The following CCDC186 variants were observed in gnomAD, a reference collection of about 807,000 sequenced individuals.
CCDC186 encodes the protein coiled-coil domain containing 186, also known as coiled-coil domain-containing protein 186.
Under a neutral mutation model 113.7 loss-of-function variants are expected in CCDC186, and 49 were observed. The ratio of observed to expected loss-of-function variants is 0.43; its 90% CI spans 0.34 to 0.55. CCDC186 has a LOEUF of 0.55. CCDC186 is among the 20% of genes least tolerant of loss of function. CCDC186 has a pLI of 0.02. For missense variants in CCDC186, 890 were observed against 1,011.1 expected (o/e 0.88, Z 1.62); for synonymous variants, 355 against 345.8 (o/e 1.03, Z -0.30).
intron 6 of CCDC186, among the ~76,000 whole-genome samples, chr10:114,141,979 T>C (rs1327677615): frequency 6.6e-6 from 1 of 152,220 alleles, no homozygotes; most frequent in African/African-American, 2.4e-5. Context: ...AATTTGGACC[T>C]TGTTATTCCA....
chr10:114,134,445 T>C (rs2031191324), intron 10 of CCDC186, among the ~76,000 whole-genome samples: 1 of 152,134 alleles, frequency 6.6e-6, no homozygotes, highest in Non-Finnish European at 1.5e-5. Flanking sequence ...CAGCAAGGTG[T>C]GGAAAAGAAG....
rs534070503 is a variant in CCDC186, at chr10:114,148,640, A to C, written c.888+2452T>G. ...TTAATATATAGTTGAGCTCACAAGA[A>C]AGTATGGGAAATTTCCAGGGCTAAA... On this transcript the variant is annotated intron_variant, in intron 4 of 15. Coordinates refer to ENST00000369287, the MANE Select transcript of CCDC186 (RefSeq NM_018017.4). Among the ~76,000 whole-genome samples, 4 of 152,378 alleles carry C rather than the reference A, an allele frequency of 2.6e-5. No individual in the cohort carries two copies. The East Asian group carries it at 7.7e-4, about 29-fold the overall frequency.
intron 13 of CCDC186, among the ~76,000 whole-genome samples, chr10:114,128,402 G>A (rs73354393): frequency 0.058 from 8,858 of 152,210 alleles, 297 homozygotes; most frequent in Middle Eastern, 0.072. Flanking sequence ...CTAAATACAT[G>A]TCTATAATTT....
At chr10:114,152,619 C>T (rs927756111) in intron 3 of CCDC186, among the ~76,000 whole-genome samples, 1 of 151,938 alleles carries the variant, frequency 6.6e-6, no homozygotes, top group East Asian at 1.9e-4. Flanking sequence ...ACATGGAAAA[C>T]GAAAGATATG....
At chr10:114,160,467 A>G (rs2032138920) in intron 2 of CCDC186, among the ~76,000 whole-genome samples, 1 of 152,140 alleles carries the variant, frequency 6.6e-6, no homozygotes, top group Non-Finnish European at 1.5e-5. Context: ...CTCCATGGTG[A>G]TAACAGTTAA....
intron 2 of CCDC186, among the ~76,000 whole-genome samples, chr10:114,159,767 C>A (rs1156776274): frequency 1.3e-5 from 2 of 151,470 alleles, no homozygotes; most frequent in African/African-American, 4.9e-5. Flanking sequence ...CTAGCCTGGG[C>A]AACATCGTGA....
In CCDC186 at chr10:114,124,678, TGGA is replaced by T. The variant is rs1353703573; in HGVS notation, c.*462_*464del. ...CATCCCTAAAACTCACCCGATATGC[TGGA>T]GTGTAAAAATAAACATTTTTATCAT... On this transcript the variant is annotated 3_prime_UTR_variant, in exon 16 of 16. Coordinates refer to ENST00000369287, the MANE Select transcript of CCDC186 (RefSeq NM_018017.4). 6.6e-6 allele frequency: 1 copy of T among 152,482 alleles called. No individual in the cohort carries two copies. The highest frequency in any genetic ancestry group is 2.4e-5 in the African/African-American group (1 of 41,466). 9.4% of individuals were successfully genotyped at this position (152,482 alleles called of 1,614,324 possible). A position where few individuals can be genotyped will look rare whatever the true frequency, so the allele number is the denominator to read the frequency against.
intron 6 of CCDC186, among the ~76,000 whole-genome samples, chr10:114,141,366 T>G (rs1425097773): frequency 6.6e-6 from 1 of 152,210 alleles, no homozygotes; most frequent in Non-Finnish European, 1.5e-5. Context: ...TGGGACATAG[T>G]AAATTTACTT....
At chr10:114,135,228 G>C (rs1358897656) in intron 9 of CCDC186, among the ~76,000 whole-genome samples, 173 bp from the exon 10 acceptor site, 4 of 152,118 alleles carry the variant, frequency 2.6e-5, no homozygotes, top group Non-Finnish European at 5.9e-5. Flanking sequence ...TTATGATTCA[G>C]TCATGGGAGT....
intron 2 of CCDC186, chr10:114,162,385 TTTTGAG>T (rs2119818362): frequency 4.4e-6 from 1 of 225,924 alleles, no homozygotes; most frequent in African/African-American, 2.5e-5. Flanking sequence ...AAGTGAAAAA[TTTTGAG>T]TTGTCTATAA....
chr10:114,172,931 G>A (rs1445241517), intron 1 of CCDC186, among the ~76,000 whole-genome samples: 2 of 152,122 alleles, frequency 1.3e-5, no homozygotes, highest in African/African-American at 4.8e-5. Flanking sequence ...ATATTAAGGT[G>A]TACTTGATAG....
intron 4 of CCDC186, among the ~76,000 whole-genome samples, chr10:114,148,544 T>C (rs931624451): frequency 6.6e-6 from 1 of 152,220 alleles, no homozygotes; most frequent in African/African-American, 2.4e-5. Flanking sequence ...GTGTAGCTTC[T>C]ACAAGTATGG....
chr10:114,126,679 T>C (rs941772013), intron 14 of CCDC186, among the ~76,000 whole-genome samples: 5 of 152,244 alleles, frequency 3.3e-5, no homozygotes, highest in Non-Finnish European at 5.9e-5. Flanking sequence ...TTGCTCAATT[T>C]CTGTTAATAT....
intron 2 of CCDC186, 139 bp from the exon 3 acceptor site, chr10:114,157,819 A>G (rs2119817565): frequency 5.9e-6 from 4 of 679,636 alleles, no homozygotes; most frequent in Non-Finnish European, 9.0e-6. Context: ...ATTCCTAAAT[A>G]ATCATTTTAT....
At chr10:114,135,697 A>C (rs899896383) in intron 9 of CCDC186, among the ~76,000 whole-genome samples, 194 bp downstream of exon 9, 4 of 152,198 alleles carry the variant, frequency 2.6e-5, no homozygotes, top group Non-Finnish European at 4.4e-5. Context: ...AACACTTCAA[A>C]GGGACTAACA....
intron 5 of CCDC186, among the ~76,000 whole-genome samples, chr10:114,145,083 T>C (rs958767791): frequency 1.3e-5 from 2 of 152,152 alleles, no homozygotes; most frequent in African/African-American, 4.8e-5. Flanking sequence ...ACTAAATCTC[T>C]TTAGATAGTA....
chr10:114,133,849 A>G (rs1030122489), intron 10 of CCDC186, among the ~76,000 whole-genome samples: 2 of 152,202 alleles, frequency 1.3e-5, no homozygotes, highest in Non-Finnish European at 2.9e-5. Flanking sequence ...AAGATTATAT[A>G]AAGTTTGGCT....
intron 1 of CCDC186, chr10:114,173,095 G>A (rs1391792230): frequency 2.6e-6 from 1 of 384,396 alleles, no homozygotes; most frequent in East Asian, 7.4e-5. Flanking sequence ...AAAAAAGCTG[G>A]GCATCAAAGG....
chr10:114,139,003 G>A (rs2031371578), intron 6 of CCDC186, among the ~76,000 whole-genome samples: 1 of 152,136 alleles, frequency 6.6e-6, no homozygotes, highest in Non-Finnish European at 1.5e-5. Flanking sequence ...GGCATGCCCT[G>A]GATTCTAATG....
Sources: allele counts gnomAD v4.1 joint callset (sites outside exome capture counted in the v4.1 genomes callset), GRCh38; gene constraint gnomAD v4.1.1; transcripts MANE v1.5; gene names NCBI Gene and HGNC (gene_info 2026-07-23, HGNC 2026-07-21).